The following DENND4C variants were observed in gnomAD, a reference collection of about 807,000 sequenced individuals.
DENND4C encodes DENN domain-containing protein 4C.
DENND4C carries 108 observed loss-of-function variants against 203.0 expected under a neutral mutation model. The observed-to-expected ratio is 0.53, with a 90% CI of 0.46 to 0.62. DENND4C has a LOEUF of 0.62. DENND4C is among the 20% of genes least tolerant of loss of function. The pLI, the probability that DENND4C is intolerant of heterozygous loss-of-function variation, is 0.00. For synonymous variants in DENND4C, 871 were observed against 792.4 expected, an observed-to-expected ratio of 1.10 and a Z score of -1.67; for missense variants, 2,481 against 2,301.2, an observed-to-expected ratio of 1.08 and a Z score of -1.60.
intron 1 of DENND4C, among the ~76,000 whole-genome samples, chr9:19,243,491 C>A (rs141095121): frequency 6.6e-6 from 1 of 152,118 alleles, no homozygotes; most frequent in Non-Finnish European, 1.5e-5. Context: ...TAAAAGGAAA[C>A]GCTGTACCCG....
chr9:19,302,987 G>T (rs1443083365), intron 9 of DENND4C, among the ~76,000 whole-genome samples: 1 of 148,750 alleles, frequency 6.7e-6, no homozygotes, highest in Non-Finnish European at 1.5e-5. Flanking sequence ...CCTTTACTTG[G>T]CTTTACTTTT....
Position 19,356,955 on chromosome 9 carries a change from C to T in DENND4C, c.4782-17C>T, listed in dbSNP as rs1484356257. The T allele has an allele frequency of 6.2e-7, 1 of 1,609,504 alleles. No individual in the cohort carries two copies. The highest frequency in any genetic ancestry group is 8.5e-7 in the Non-Finnish European group (1 of 1,178,164). ...AGGATTTTTAAAGGCTCTTTTTCCC[C>T]CCTTTTCCTTATGTAGCTTTTTCCT... On this transcript the variant is annotated splice_polypyrimidine_tract_variant and intron_variant, in intron 26 of 32. Coordinates refer to ENST00000434457, the MANE Select transcript of DENND4C (RefSeq NM_001330640.2).
At position 19,316,771 on chromosome 9, in the gene DENND4C, A is replaced by G. The variant is rs1344259335; in HGVS notation, c.1739A>G (p.Tyr580Cys). 4 of 1,614,068 alleles carry G rather than the reference A, an allele frequency of 2.5e-6. No homozygotes were observed. Among genetic ancestry groups the G allele is most frequent in the Non-Finnish European group, 3.4e-6 (4 of 1,179,976 alleles). The change falls in exon 12 of 33, where the codon TAT becomes TGT. Residue 580 changes from tyrosine to cysteine, a missense_variant. Transcript: ENST00000434457. The part of the protein sequence containing the change: ...MASILKGYRT[Y>C]LRPITEAPSN... Reference sequence around the variant, plus strand: ...TCTATTTTAAAAGGATATAGAACATATCTCAGACCAATCACAGAGGCTCCT... The same window carrying G: ...TCTATTTTAAAAGGATATAGAACATGTCTCAGACCAATCACAGAGGCTCCT...
intron 16 of DENND4C, among the ~76,000 whole-genome samples, chr9:19,331,307 A>G (rs1173436381): frequency 1.3e-5 from 2 of 151,650 alleles, no homozygotes; most frequent in Non-Finnish European, 2.9e-5. Context: ...GGTTCAAGCA[A>G]TTCTCCTGCC....
rs1835295219 is a variant in DENND4C, at chr9:19,286,754, C to T, written c.306-15C>T. 1 of 1,231,928 alleles carries T rather than the reference C, an allele frequency of 8.1e-7. No individual in the cohort carries two copies. The allele number at this position is 1,231,928 out of a possible 1,614,324, so 76.3% of individuals were successfully genotyped here. A position where few individuals can be genotyped will look rare whatever the true frequency, so the allele number is the denominator to read the frequency against. ...TATATATCTATATCTATTTCTTCCC[C>T]TTCCTGCCATGCAGAGTTCTATATG... On this transcript the variant is annotated splice_polypyrimidine_tract_variant and intron_variant, in intron 2 of 32. Coordinates refer to ENST00000434457, the MANE Select transcript of DENND4C (RefSeq NM_001330640.2).
chr9:19,259,589 C>T (rs1255962529), intron 1 of DENND4C, among the ~76,000 whole-genome samples: 1 of 149,894 alleles, frequency 6.7e-6, no homozygotes, highest in Non-Finnish European at 1.5e-5. Flanking sequence ...ACTGCAGCCT[C>T]CGCCTCCCAG....
intron 2 of DENND4C, among the ~76,000 whole-genome samples, chr9:19,285,541 C>G (rs1157046002): frequency 6.8e-6 from 1 of 147,248 alleles, no homozygotes; most frequent in Admixed American, 6.8e-5. Flanking sequence ...CTGGACATTT[C>G]TTAAAAACTG....
rs1352153433 is a variant in DENND4C, at chr9:19,361,950, A to G, written c.5511A>G (p.Ser1837=). 6.3e-7 allele frequency: 1 copy of G among 1,584,544 alleles called. No individual in the cohort carries two copies. The highest frequency in any genetic ancestry group is 1.3e-5 in the African/African-American group (1 of 74,228). Residue 1837 remains serine (S), a synonymous_variant, in exon 30 of 33, where the codon TCA becomes TCG. Coordinates refer to ENST00000434457, the MANE Select transcript of DENND4C (RefSeq NM_001330640.2). The part of the protein sequence containing the change: ...HQEPREPLYV[S]WRNFNSEKKS... ...AACCAAGAGAACCTCTGTATGTCTC[A>G]TGGAGGAATTTTAGTAAGTAAAATA...
intron 8 of DENND4C, 77 bp downstream of exon 8, chr9:19,299,364 T>C (rs10738535): frequency 0.6 from 564,899 of 938,562 alleles, 172,916 homozygotes; most frequent in South Asian, 0.64. Context: ...GATTAGTATA[T>C]TATTAATATA....
chr9:19,317,181 C>CTTTT (rs11331413), intron 12 of DENND4C, among the ~76,000 whole-genome samples: 1 of 126,976 alleles, frequency 7.9e-6, no homozygotes. Context: ...GATTTGTACA[C>CTTTT]TTTTTTTTTT....
chr9:19,360,122 G>A lies in DENND4C; in HGVS notation c.5161-122G>A, dbSNP rs1409716972. The A allele has an allele frequency of 1.1e-5, 11 of 977,914 alleles. No individual in the cohort carries two copies. The Admixed American group carries it at 1.5e-4, about 13-fold the overall frequency. 60.6% of individuals were successfully genotyped at this position (977,914 alleles called of 1,614,324 possible). ...CATTCATTAGCATATTCTCTTGCAT[G>A]TAGCAATGGTCCTAAAATAACTGAT... On this transcript the variant is annotated intron_variant, in intron 28 of 32. Transcript: ENST00000434457.
chr9:19,252,074 A>C (rs1370945294), intron 1 of DENND4C, among the ~76,000 whole-genome samples: 1 of 152,204 alleles, frequency 6.6e-6, no homozygotes, highest in African/African-American at 2.4e-5. Flanking sequence ...TAATAAAGGC[A>C]TACCTGAGAC....
intron 12 of DENND4C, among the ~76,000 whole-genome samples, chr9:19,321,015 A>G (rs1842788589): frequency 6.6e-6 from 1 of 152,242 alleles, no homozygotes; most frequent in African/African-American, 2.4e-5. Context: ...GGTGGCATTA[A>G]CCAGGTTATG....
intron 12 of DENND4C, among the ~76,000 whole-genome samples, chr9:19,318,743 CTCT>C: frequency 6.6e-6 from 1 of 152,232 alleles, no homozygotes; most frequent in Middle Eastern, 3.4e-3. Flanking sequence ...TCCAAATATC[CTCT>C]TCTTACAAGG....
At chr9:19,295,606 G>A (rs1837285682) in intron 5 of DENND4C, among the ~76,000 whole-genome samples, 9 of 149,758 alleles carry the variant, frequency 6.0e-5, no homozygotes, top group Admixed American at 6.0e-4. Context: ...GGAGGCGGAG[G>A]TTGCAGTGAG....
At chr9:19,324,569 CATTGTT>C (rs1391308529) in intron 13 of DENND4C, 62 bp downstream of exon 13, 43 of 1,509,804 alleles carry the variant, frequency 2.8e-5, no homozygotes, top group Non-Finnish European at 3.4e-5. Context: ...GTGTAATTAT[CATTGTT>C]ATTGTTAGTC....
intron 9 of DENND4C, among the ~76,000 whole-genome samples, chr9:19,303,628 C>A (rs1189885509): frequency 6.6e-6 from 1 of 152,162 alleles, no homozygotes; most frequent in Non-Finnish European, 1.5e-5. Flanking sequence ...TGGTACATAG[C>A]AAGTGCCCAA....
chr9:19,261,856 A>G (rs1209652969), intron 1 of DENND4C, among the ~76,000 whole-genome samples: 2 of 150,938 alleles, frequency 1.3e-5, no homozygotes, highest in Non-Finnish European at 2.9e-5. Context: ...TCAATTATTT[A>G]TTGTTTTAGT....
chr9:19,358,543 A>G lies in DENND4C; in HGVS notation c.5160+383A>G, dbSNP rs571788754. On this transcript the variant is annotated intron_variant, in intron 28 of 32. Transcript: ENST00000434457. This position sits in a 1 kb window ranked among gnomAD's most constrained non-coding sequence, Gnocchi z 4.8. ...ATAATCACACTGCTTTTATCATACA[A>G]AAAAAACCCCAAATAATAGTATCAA... Among the ~76,000 whole-genome samples the G allele has an allele frequency of 1.1e-4, 17 of 149,404 alleles. No homozygotes were observed. In the South Asian group the frequency reaches 3.3e-3, roughly 29 times the overall value.
Sources: allele counts gnomAD v4.1 joint callset (sites outside exome capture counted in the v4.1 genomes callset), GRCh38; gene constraint gnomAD v4.1.1; non-coding constraint Gnocchi (gnomAD v3.1); transcripts MANE v1.5; gene names NCBI Gene and HGNC (gene_info 2026-07-23, HGNC 2026-07-21).